NTRK2: variants seen among roughly 807,000 people sequenced by gnomAD.
NTRK2 encodes neurotrophic receptor tyrosine kinase 2.
In NTRK2, 13 loss-of-function variants were observed where a neutral mutation model predicts 94.5. The ratio of observed to expected loss-of-function variants is 0.14; its 90% CI spans 0.09 to 0.22. NTRK2 has a LOEUF of 0.22. Ranked by LOEUF, NTRK2 falls within the 10% of genes least tolerant of loss-of-function variation. NTRK2 has a pLI of 1.00. For missense variants in NTRK2, 639 were observed against 1,071.2 expected (o/e 0.60, Z 5.63); for synonymous variants, 372 against 407.4 (o/e 0.91, Z 1.05).
At chr9:84,855,978 C>T (rs923578013) in intron 12 of NTRK2, among the ~76,000 whole-genome samples, 2 of 152,192 alleles carry the variant, frequency 1.3e-5, no homozygotes, top group African/African-American at 4.8e-5. Context: ...CTGGCCACAA[C>T]TAACCACAAG....
At chr9:84,701,984 T>C (rs964311028) in intron 2 of NTRK2, among the ~76,000 whole-genome samples, 175 bp from the exon 3 acceptor site, 1 of 152,182 alleles carries the variant, frequency 6.6e-6, no homozygotes, top group Admixed American at 6.5e-5. Context: ...TGGTCAGTCA[T>C]GGTTTCTGCT....
intron 17 of NTRK2, among the ~76,000 whole-genome samples, chr9:84,976,009 G>A (rs139545414): frequency 7.6e-4 from 115 of 152,244 alleles, no homozygotes; most frequent in African/African-American, 2.7e-3. Context: ...CAAGAGCTCT[G>A]CCTTTTGGTA....
intron 8 of NTRK2, among the ~76,000 whole-genome samples, chr9:84,726,712 T>G (rs974742882): frequency 2.6e-5 from 4 of 152,198 alleles, no homozygotes; most frequent in Non-Finnish European, 5.9e-5. Context: ...GTAACCTTGA[T>G]GAGCTCACTT....
At chr9:84,973,445 G>A (rs1031064310) in intron 17 of NTRK2, among the ~76,000 whole-genome samples, 3 of 152,144 alleles carry the variant, frequency 2.0e-5, no homozygotes, top group African/African-American at 7.2e-5. Flanking sequence ...CTACTGTAAT[G>A]AGTGTGAAAT....
At chr9:84,991,530 C>G (rs1829067830) in intron 17 of NTRK2, among the ~76,000 whole-genome samples, 1 of 152,154 alleles carries the variant, frequency 6.6e-6, no homozygotes, top group African/African-American at 2.4e-5. Flanking sequence ...CACATCATCC[C>G]CCAAACCATT....
chr9:84,916,214 A>G lies in NTRK2; in HGVS notation c.1634-17948A>G, dbSNP rs567607063. Among the ~76,000 whole-genome samples the G allele has an allele frequency of 2.0e-5, 3 of 152,160 alleles. No individual in the cohort carries two copies. The East Asian group carries it at 5.8e-4, about 30-fold the overall frequency. Reference sequence around the variant, plus strand: ...ACAGTTACTCTGTCCTCCCAAAAGTAGCATCCCACCAAGGGCCAGGGAGGA... The same window carrying G: ...ACAGTTACTCTGTCCTCCCAAAAGTGGCATCCCACCAAGGGCCAGGGAGGA... On this transcript the variant is annotated intron_variant, in intron 14 of 18. Transcript: ENST00000277120.
chr9:84,811,657 G>C, intron 12 of NTRK2: 1 of 1,065,416 alleles, frequency 9.4e-7, no homozygotes, highest in Non-Finnish European at 1.1e-6. Context: ...ATACTGCTGG[G>C]TTTTCATGGG....
At chr9:84,833,107 G>A (rs944386102) in intron 12 of NTRK2, among the ~76,000 whole-genome samples, 1 of 146,702 alleles carries the variant, frequency 6.8e-6, no homozygotes, top group Non-Finnish European at 1.5e-5. Flanking sequence ...GGTGGTGGTG[G>A]TGGTGGTGGT....
intron 9 of NTRK2, among the ~76,000 whole-genome samples, chr9:84,741,537 G>C (rs917832647): frequency 1.3e-5 from 2 of 152,030 alleles, no homozygotes; most frequent in African/African-American, 4.8e-5. Context: ...TTTGTCTCTG[G>C]AATAAAAATA....
intron 13 of NTRK2, 123 bp from the exon 14 acceptor site, chr9:84,867,120 A>G (rs925256471): frequency 1.3e-5 from 11 of 872,384 alleles, no homozygotes; most frequent in Non-Finnish European, 2.0e-5. Context: ...TTATTGTACT[A>G]CTCTGTGAAT....
chr9:84,839,709 C>G (rs1011488634), intron 12 of NTRK2, among the ~76,000 whole-genome samples: 2 of 152,206 alleles, frequency 1.3e-5, no homozygotes, highest in Non-Finnish European at 2.9e-5. Flanking sequence ...TCAGGCCAGG[C>G]CCCAGCGTGC....
chr9:84,794,904 G>C (rs1020501208), intron 12 of NTRK2, among the ~76,000 whole-genome samples: 7 of 152,116 alleles, frequency 4.6e-5, no homozygotes, highest in African/African-American at 1.7e-4. Flanking sequence ...TGAAATGGTA[G>C]ACAGAAGCAC....
At chr9:84,794,172 G>T (rs1330355636) in intron 12 of NTRK2, among the ~76,000 whole-genome samples, 1 of 152,148 alleles carries the variant, frequency 6.6e-6, no homozygotes, top group East Asian at 1.9e-4. Flanking sequence ...TTCACCTACA[G>T]CATTTGGCAG....
intron 14 of NTRK2, among the ~76,000 whole-genome samples, chr9:84,870,097 CTATATA>C (rs67434914): frequency 0.014 from 1,347 of 99,660 alleles, 26 homozygotes; most frequent in African/African-American, 0.038. Context: ...TTCCCATTGA[CTATATA>C]TATATATATA....
At chr9:84,973,118 G>A (rs1350479231) in intron 17 of NTRK2, among the ~76,000 whole-genome samples, 1 of 152,104 alleles carries the variant, frequency 6.6e-6, no homozygotes, top group African/African-American at 2.4e-5. Context: ...ATAGCTTAAG[G>A]ACCATGGCCA....
chr9:84,724,274 C>T lies in NTRK2; in HGVS notation c.771C>T (p.Ser257=), dbSNP rs201975661. The change falls in exon 8 of 19, where the codon TCC becomes TCT. Residue 257 remains serine (S), a synonymous_variant. Coordinates refer to ENST00000277120, the MANE Select transcript of NTRK2 (RefSeq NM_006180.6). ...CCTTAAGGATAACTAACATTTCATCCGATGACAGTGGGAAGCAGATCTCTT... is the reference window on the plus strand; with the variant it reads ...CCTTAAGGATAACTAACATTTCATCTGATGACAGTGGGAAGCAGATCTCTT... ...QGSLRITNIS[S]DDSGKQISCV... 62 of 1,613,870 alleles carry T rather than the reference C, an allele frequency of 3.8e-5. 1 individual carries two copies. Among genetic ancestry groups the T allele is most frequent in the Admixed American group, 8.3e-5 (5 of 59,994 alleles).
intron 12 of NTRK2, among the ~76,000 whole-genome samples, chr9:84,776,422 A>G (rs1273035430): frequency 6.6e-6 from 1 of 152,084 alleles, no homozygotes; most frequent in Non-Finnish European, 1.5e-5. Flanking sequence ...GAGTTTCACC[A>G]TGTTGGCCAG....
chr9:84,969,564 C>T (rs890822309), intron 17 of NTRK2, among the ~76,000 whole-genome samples: 9 of 152,200 alleles, frequency 5.9e-5, no homozygotes, highest in Admixed American at 6.5e-5. Context: ...CATAATAACA[C>T]GTGTTTTTGT....
intron 14 of NTRK2, chr9:84,873,796 A>G: frequency 9.5e-7 from 1 of 1,057,584 alleles, no homozygotes; most frequent in South Asian, 4.6e-5. Flanking sequence ...AAAGAGAAAT[A>G]TCACCCAAGT....
Sources: allele counts gnomAD v4.1 joint callset (sites outside exome capture counted in the v4.1 genomes callset), GRCh38; gene constraint gnomAD v4.1.1; transcripts MANE v1.5; gene names NCBI Gene and HGNC (gene_info 2026-07-23, HGNC 2026-07-21).